The following ZFHX3 variants were observed in gnomAD, a reference collection of about 807,000 sequenced individuals.
The protein encoded by ZFHX3 is zinc finger homeobox protein 3.
A neutral mutation model predicts 279.1 loss-of-function variants in ZFHX3; 42 were observed. The ratio of observed to expected loss-of-function variants is 0.15; its 90% CI spans 0.12 to 0.19. The LOEUF (loss-of-function observed/expected upper bound fraction) is 0.19, where lower values mean the gene tolerates loss of function less well. Among genes scored for constraint, ZFHX3 ranks in the 10% least tolerant of loss-of-function variants. ZFHX3 has a pLI of 1.00. For missense variants in ZFHX3, 4,981 were observed against 4,754.0 expected (o/e 1.05, Z -1.40); for synonymous variants, 2,293 against 1,957.8 (o/e 1.17, Z -4.52).
intron 4 of ZFHX3, among the ~76,000 whole-genome samples, chr16:72,880,694 C>T (rs892075381): frequency 6.6e-6 from 1 of 152,156 alleles, no homozygotes; most frequent in Non-Finnish European, 1.5e-5. Context: ...GAAAATCACA[C>T]ATTGTCTGAT....
At chr16:73,302,528 C>T (rs1412881946) in intron 4 of ZFHX3, among the ~76,000 whole-genome samples, 2 of 152,220 alleles carry the variant, frequency 1.3e-5, no homozygotes, top group Non-Finnish European at 2.9e-5. Flanking sequence ...AGGAAAAGCA[C>T]AGACAGTTGA....
intron 3 of ZFHX3, among the ~76,000 whole-genome samples, chr16:72,915,658 G>A (rs2039425590): frequency 1.3e-5 from 2 of 152,080 alleles, no homozygotes; most frequent in Admixed American, 6.5e-5. Context: ...AGCTACTCCG[G>A]AGGCTGAGGG....
rs140265460 is a variant in ZFHX3 at position 72,796,968 on chromosome 16, G to A, written c.5714C>T (p.Pro1905Leu). 1.9e-4 allele frequency: 306 copies of A among 1,613,784 alleles called. 1 individual carries two copies. The highest frequency in any genetic ancestry group is 1.7e-3 in the African/African-American group (127 of 74,882). The change falls in exon 9 of 10, where the codon CCG becomes CTG. Residue 1905 changes from proline (P) to leucine (L), a missense_variant. Coordinates refer to ENST00000268489, the MANE Select transcript of ZFHX3 (RefSeq NM_006885.4). ...SAEGGEGNTG[P>L]KETLPDALKA... is the part of the protein sequence containing the mutation. Reference sequence around the variant, plus strand: ...CAAGGCATCTGGCAGTGTTTCCTTCGGACCGGTGTTGCCCTCTCCCCCCTC... The same window carrying A: ...CAAGGCATCTGGCAGTGTTTCCTTCAGACCGGTGTTGCCCTCTCCCCCCTC...
At position 72,796,921 on chromosome 16, in the gene ZFHX3, A is replaced by G. The variant is rs1835104755; in HGVS notation, c.5761T>C (p.Leu1921=). 6.2e-7 allele frequency: 1 copy of G among 1,612,190 alleles called. No homozygotes were observed. The highest frequency in any genetic ancestry group is 8.5e-7 in the Non-Finnish European group (1 of 1,179,578). The change falls in exon 9 of 10, where the codon TTG becomes CTG. Residue 1921 remains leucine, a synonymous_variant. Coordinates refer to ENST00000268489, the MANE Select transcript of ZFHX3 (RefSeq NM_006885.4). ...DALKAKEKKE[L]APGGGSEPSM... ...GGCTCAGAACCACCCCCTGGTGCCA[A>G]CTCTTTCTTCTCTTTGGCCTTCAAG...
intron 2 of ZFHX3, among the ~76,000 whole-genome samples, chr16:73,618,288 A>C (rs2052325213): frequency 1.3e-5 from 2 of 152,188 alleles, no homozygotes; most frequent in African/African-American, 4.8e-5. Context: ...CACCAACTTA[A>C]ACTGTAACAC....
intron 5 of ZFHX3, among the ~76,000 whole-genome samples, chr16:73,168,268 TTTCTTTCTTTC>T (rs1967438807): frequency 6.7e-6 from 1 of 150,302 alleles, no homozygotes; most frequent in African/African-American, 2.5e-5. Context: ...TCTTTCTTTC[TTTCTTTCTTTC>T]GAGACAAAGT....
intron 5 of ZFHX3, among the ~76,000 whole-genome samples, chr16:73,168,780 G>C (rs889509816): frequency 2.0e-5 from 3 of 152,146 alleles, no homozygotes; most frequent in Non-Finnish European, 4.4e-5. Context: ...TCTCCAGCTA[G>C]CTGCCCTCTG....
At chr16:73,318,066 A>G (rs140413047) in intron 4 of ZFHX3, among the ~76,000 whole-genome samples, 165 of 152,362 alleles carry the variant, frequency 1.1e-3, no homozygotes, top group African/African-American at 3.7e-3. Context: ...AGAAGTGCAC[A>G]TTAGTCCTGG....
intron 1 of ZFHX3, among the ~76,000 whole-genome samples, chr16:73,031,433 A>G (rs772140543): frequency 5.9e-5 from 9 of 152,196 alleles, no homozygotes; most frequent in Non-Finnish European, 7.3e-5. Context: ...GGAGCATTCC[A>G]GGTATCAGGA....
At chr16:72,841,494 T>C (rs2037344518) in intron 4 of ZFHX3, among the ~76,000 whole-genome samples, 1 of 152,212 alleles carries the variant, frequency 6.6e-6, no homozygotes, top group South Asian at 2.1e-4. Context: ...CCTCCTCCTC[T>C]TTAGAAACTT....
At chr16:73,358,083 G>C (rs6563952) in intron 3 of ZFHX3, among the ~76,000 whole-genome samples, 114,309 of 152,086 alleles carry the variant, frequency 0.75, 45,757 homozygotes, top group Non-Finnish European at 0.91. Flanking sequence ...TGGGCATGGA[G>C]CTGGGCTAAC....
chr16:73,180,217 G>A lies in ZFHX3; in HGVS notation c.-1103-36386C>T, dbSNP rs117990529. The stretch of plus-strand genomic sequence containing the variant: ...TCACTGAGAGAGCAAGTTGCTCCAC[G>A]AAACGCAGGCTTGCTGTACACAGAT... On this transcript the variant is annotated intron_variant, in intron 5 of 17. Coordinates refer to the ZFHX3 transcript ENST00000641206. Among the ~76,000 whole-genome samples, 105 of 152,294 alleles carry A rather than the reference G, an allele frequency of 6.9e-4. 2 individuals are homozygous for A. The East Asian group carries it at 0.012, about 18-fold the overall frequency.
chr16:73,189,971 C>T (rs1241431972), intron 5 of ZFHX3, among the ~76,000 whole-genome samples: 1 of 152,166 alleles, frequency 6.6e-6, no homozygotes, highest in Non-Finnish European at 1.5e-5. Context: ...AGTCTAAAGA[C>T]ACACAATTGA....
chr16:72,919,983 CG>C (rs1251078967), intron 3 of ZFHX3, among the ~76,000 whole-genome samples: 25 of 151,236 alleles, frequency 1.7e-4, no homozygotes, highest in African/African-American at 5.1e-4. Flanking sequence ...TTAGTAGAGA[CG>C]GGGTTTCACT....
chr16:72,991,004 A>G (rs1018357447), intron 1 of ZFHX3, among the ~76,000 whole-genome samples: 7 of 152,038 alleles, frequency 4.6e-5, no homozygotes, highest in East Asian at 1.9e-4. Flanking sequence ...AAAAAAAAAA[A>G]AGAGAGAGAA....
intron 2 of ZFHX3, among the ~76,000 whole-genome samples, chr16:73,575,728 G>A (rs1398646765): frequency 6.6e-6 from 1 of 152,072 alleles, no homozygotes; most frequent in African/African-American, 2.4e-5. Flanking sequence ...TTCTCTGGAC[G>A]AGGGCTTGAC....
intron 3 of ZFHX3, among the ~76,000 whole-genome samples, chr16:72,936,996 G>A (rs1036225805): frequency 2.0e-5 from 3 of 152,158 alleles, no homozygotes; most frequent in Admixed American, 1.3e-4. Context: ...CAAAAGACAA[G>A]GAGCCCCACA....
intron 1 of ZFHX3, among the ~76,000 whole-genome samples, chr16:73,708,073 G>A (rs986572799): frequency 1.9e-4 from 11 of 58,264 alleles, no homozygotes; most frequent in Non-Finnish European, 4.7e-4. Context: ...CATAATTTGG[G>A]TGTGGTGGGG....
chr16:73,570,542 C>T (rs563352408), intron 2 of ZFHX3, among the ~76,000 whole-genome samples: 7 of 151,972 alleles, frequency 4.6e-5, no homozygotes, highest in Non-Finnish European at 7.4e-5. Context: ...TCCAAAATGG[C>T]GACTTTCATG....
Sources: gnomAD v4.1 joint callset for allele counts (sites outside exome capture counted in the v4.1 genomes callset) on GRCh38, gnomAD v4.1.1 for gene constraint, MANE v1.5 for transcripts, NCBI Gene and HGNC (gene_info 2026-07-23, HGNC 2026-07-21) for gene names.